AFMID: variants seen among roughly 807,000 people sequenced by gnomAD.
The protein encoded by AFMID is arylformamidase.
AFMID carries 39 observed loss-of-function variants against 47.5 expected under a neutral mutation model. That is an observed-to-expected ratio of 0.82 (90% confidence interval 0.64 to 1.07). The LOEUF is 1.07. Among genes scored for constraint, AFMID ranks in the 50% least tolerant of loss-of-function variants. AFMID has a pLI of 0.00. For missense variants in AFMID, 375 were observed against 387.5 expected, an observed-to-expected ratio of 0.97 and a Z score of 0.27; for synonymous variants, 130 against 153.2, an observed-to-expected ratio of 0.85 and a Z score of 1.12.
chr17:78,200,511 T>C (rs142978513), intron 2 of AFMID, among the ~76,000 whole-genome samples: 46 of 152,300 alleles, frequency 3.0e-4, no homozygotes, highest in African/African-American at 1.0e-3. Context: ...CATTCTGGGT[T>C]AGGGTGGGCC....
chr17:78,207,003 C>T lies in AFMID; in HGVS notation c.*66C>T, dbSNP rs564471633. ...TTGGGAAGCCTCTCCAAAGAGCTTT[C>T]GGAGCTGACACTGACAGCTTCAGTT... On this transcript the variant is annotated 3_prime_UTR_variant, in exon 11 of 11. Coordinates refer to ENST00000409257, the MANE Select transcript of AFMID (RefSeq NM_001010982.5). The T allele has an allele frequency of 5.8e-5, 90 of 1,542,500 alleles. No homozygotes were observed. The highest frequency in any genetic ancestry group is 7.4e-5 in the Non-Finnish European group (83 of 1,114,986).
intron 2 of AFMID, chr17:78,192,514 A>T: frequency 2.5e-6 from 1 of 403,688 alleles, no homozygotes; most frequent in Non-Finnish European, 5.0e-6. Context: ...GGGTTTCTCC[A>T]TGTTGGTTAG....
chr17:78,205,305 G>A lies in AFMID; in HGVS notation c.565+115G>A, dbSNP rs570119096. 13 of 1,404,910 alleles carry A rather than the reference G, an allele frequency of 9.3e-6. No individual in the cohort carries two copies. The African/African-American group carries it at 9.9e-5, about 11-fold the overall frequency. 87.0% of individuals were successfully genotyped at this position (1,404,910 alleles called of 1,614,324 possible). ...ATGAGTGGCTTGACCGCAGGGCTTC[G>A]AGCCCTCTGAGCAAGGCCTTCTCTG... is the stretch of plus-strand genomic sequence containing the variant. On this transcript the variant is annotated intron_variant, in intron 7 of 10. Coordinates refer to ENST00000409257, the MANE Select transcript of AFMID (RefSeq NM_001010982.5).
intron 2 of AFMID, among the ~76,000 whole-genome samples, chr17:78,195,652 G>A (rs1021277197): frequency 3.3e-5 from 5 of 150,852 alleles, no homozygotes; most frequent in African/African-American, 7.3e-5. Flanking sequence ...ACAGGCGTGC[G>A]CCACCACGTC....
chr17:78,206,795 G>C, intron 10 of AFMID, 116 bp from the exon 11 acceptor site: 2 of 1,078,568 alleles, frequency 1.9e-6, no homozygotes, highest in Non-Finnish European at 2.8e-6. Flanking sequence ...GCCTCCCGAA[G>C]GGTTGGGGTT....
intron 2 of AFMID, among the ~76,000 whole-genome samples, chr17:78,195,533 A>C (rs1337791288): frequency 7.2e-5 from 9 of 125,012 alleles, no homozygotes; most frequent in African/African-American, 1.2e-4. Context: ...GCGGAGTTTC[A>C]CTCTTGTTAC....
intron 2 of AFMID, among the ~76,000 whole-genome samples, chr17:78,198,886 G>A (rs2076177850): frequency 1.3e-5 from 2 of 152,056 alleles, no homozygotes. Flanking sequence ...CTTCCCTTTC[G>A]TGTGCCCAGT....
At chr17:78,196,948 T>C (rs555852203) in intron 2 of AFMID, among the ~76,000 whole-genome samples, 1 of 152,292 alleles carries the variant, frequency 6.6e-6, no homozygotes, top group Non-Finnish European at 1.5e-5. Context: ...TCTCTGTCTC[T>C]GCACCCCAGC....
intron 2 of AFMID, among the ~76,000 whole-genome samples, chr17:78,191,823 G>A (rs150286530): frequency 6.6e-6 from 1 of 151,948 alleles, no homozygotes; most frequent in Non-Finnish European, 1.5e-5. Flanking sequence ...CTGAGTAGCT[G>A]GGACTATAGG....
At position 78,191,089 on chromosome 17, in the gene AFMID, T is replaced by C. The variant is rs377720760; in HGVS notation, c.154+29T>C. The C allele has an allele frequency of 6.6e-4, 1,046 of 1,587,462 alleles. 2 individuals are homozygous for C. The highest frequency in any genetic ancestry group is 1.2e-3 in the Admixed American group (71 of 59,320). On this transcript the variant is annotated intron_variant, in intron 2 of 10. Coordinates refer to ENST00000409257, the MANE Select transcript of AFMID (RefSeq NM_001010982.5). ...CTAGTGTGACCTCTCCGTGGCCGCA[T>C]TGGGTGTCCTTAAGCATGTGGCAGT...
intron 1 of AFMID, among the ~76,000 whole-genome samples, chr17:78,189,156 G>T (rs1301101336): frequency 6.6e-6 from 1 of 151,666 alleles, no homozygotes; most frequent in Non-Finnish European, 1.5e-5. Context: ...CCATGAGGCT[G>T]CCCTGACTTC....
chr17:78,193,975 CAAAA>C (rs35735703), intron 2 of AFMID, among the ~76,000 whole-genome samples: 1 of 128,312 alleles, frequency 7.8e-6, no homozygotes, highest in Non-Finnish European at 1.7e-5. Flanking sequence ...GACTCCATCT[CAAAA>C]AAAAAAAAAA....
chr17:78,205,188 G>T lies in AFMID; in HGVS notation c.563G>T (p.Arg188Ile), dbSNP rs755937569. The stretch of plus-strand genomic sequence containing the variant: ...AAGCATGGGGTCACGCCCAACCTCA[G>T]AGGTTTCCATGGGAGCTACAGCCTG... ...WTKHGVTPNL[R>I]GFFLVSGVFD... The change falls in exon 7 of 11, where the codon AGA becomes ATA. Residue 188 changes from arginine to isoleucine, a missense_variant and splice_region_variant. By Grantham distance (97) the Arg-to-Ile change is moderately conservative (BLOSUM62 -3). Coordinates refer to ENST00000409257, the MANE Select transcript of AFMID (RefSeq NM_001010982.5). 3.7e-6 allele frequency: 6 copies of T among 1,610,642 alleles called. No homozygotes were observed. Among genetic ancestry groups the T allele is most frequent in the Non-Finnish European group, 5.1e-6 (6 of 1,178,560 alleles).
intron 2 of AFMID, among the ~76,000 whole-genome samples, chr17:78,201,168 T>G (rs2076233974): frequency 6.6e-6 from 1 of 151,716 alleles, no homozygotes; most frequent in African/African-American, 2.4e-5. Context: ...AGATAACTTT[T>G]TTTTTAATTT....
At position 78,207,025 on chromosome 17, in the gene AFMID, A is replaced by C; in HGVS notation, c.*88A>C. On this transcript the variant is annotated 3_prime_UTR_variant, in exon 11 of 11. Transcript: ENST00000409257. ...TTTCGGAGCTGACACTGACAGCTTC[A>C]GTTTCCCCCAGCACCCAGGAGAGCC... is the stretch of plus-strand genomic sequence containing the variant. The C allele has an allele frequency of 7.3e-7, 1 of 1,364,682 alleles. No individual in the cohort carries two copies. Among genetic ancestry groups the C allele is most frequent in the Non-Finnish European group, 1.0e-6 (1 of 953,372 alleles). The allele number at this position is 1,364,682 out of a possible 1,614,324, so 84.5% of individuals were successfully genotyped here. A position where few individuals can be genotyped will look rare whatever the true frequency, so the allele number is the denominator to read the frequency against.
chr17:78,191,981 T>C (rs927155542), intron 2 of AFMID, among the ~76,000 whole-genome samples: 1 of 149,906 alleles, frequency 6.7e-6, no homozygotes, highest in Non-Finnish European at 1.5e-5. Flanking sequence ...CCATCGTGCC[T>C]GGCCGCCTTT....
chr17:78,191,037 C>A lies in AFMID; in HGVS notation c.131C>A (p.Thr44Asn). 6.2e-7 allele frequency: 1 copy of A among 1,614,014 alleles called. No individual in the cohort carries two copies. Among genetic ancestry groups the A allele is most frequent in the Non-Finnish European group, 8.5e-7 (1 of 1,179,986 alleles). Residue 44 changes from threonine to asparagine, a missense_variant, in exon 2 of 11, where the codon ACC becomes AAC. Coordinates refer to ENST00000409257, the MANE Select transcript of AFMID (RefSeq NM_001010982.5). The stretch of plus-strand genomic sequence containing the variant: ...CTGGGAGCAGAGGAAGCCTTGAGGA[C>A]CTACTCACAGATAGGAATTGAAGGT... ...VRLGAEEALRTYSQIGIEATT... is the reference protein window; with the variant it reads ...VRLGAEEALRNYSQIGIEATT...
chr17:78,205,353 G>A, intron 7 of AFMID, 87 bp from the exon 8 acceptor site: 1 of 1,509,414 alleles, frequency 6.6e-7, no homozygotes, highest in Admixed American at 1.7e-5. Flanking sequence ...CCCTTCCCCT[G>A]GTCCTGCCCC....
chr17:78,202,870 G>T, intron 4 of AFMID, 119 bp downstream of exon 4: 1 of 1,233,840 alleles, frequency 8.1e-7, no homozygotes, highest in Non-Finnish European at 1.2e-6. Flanking sequence ...GCAGGGCTGT[G>T]TCTCACAGCG....
Sources: allele counts gnomAD v4.1 joint callset (sites outside exome capture counted in the v4.1 genomes callset), GRCh38; gene constraint gnomAD v4.1.1; transcripts MANE v1.5; gene names NCBI Gene and HGNC (gene_info 2026-07-23, HGNC 2026-07-21).